PRKG1: variants seen among roughly 807,000 people sequenced by gnomAD.
The protein encoded by PRKG1 is protein kinase cGMP-dependent 1, also known as cGMP-dependent protein kinase 1.
In PRKG1, 35 loss-of-function variants were observed where a neutral mutation model predicts 88.1. That is an observed-to-expected ratio of 0.40 (90% CI 0.30 to 0.53). The LOEUF (loss-of-function observed/expected upper bound fraction) is 0.53, where lower values mean the gene tolerates loss of function less well. PRKG1 is among the 20% of genes least tolerant of loss of function. The pLI is 0.59. For missense variants in PRKG1, 540 were observed against 839.8 expected, an observed-to-expected ratio of 0.64 and a Z score of 4.41; for synonymous variants, 303 against 292.5, an observed-to-expected ratio of 1.04 and a Z score of -0.37.
chr10:52,012,253 T>TTC (rs1844906360), intron 5 of PRKG1, among the ~76,000 whole-genome samples: 1 of 151,558 alleles, frequency 6.6e-6, no homozygotes, highest in South Asian at 2.1e-4. Context: ...GCCTTTTTTT[T>TTC]TTTTTTGAGA....
chr10:51,342,634 T>G (rs1411777969), intron 2 of PRKG1, among the ~76,000 whole-genome samples: 1 of 152,114 alleles, frequency 6.6e-6, no homozygotes. Flanking sequence ...CAGACCTAAT[T>G]TTCATCTGAG....
intron 2 of PRKG1, among the ~76,000 whole-genome samples, chr10:51,247,169 C>A (rs1320324721): frequency 2.0e-5 from 3 of 152,060 alleles, no homozygotes; most frequent in Middle Eastern, 3.4e-3. Flanking sequence ...GATGAAAAAA[C>A]CCCTGCTTCT....
chr10:51,746,338 A>T (rs910805441), intron 3 of PRKG1, among the ~76,000 whole-genome samples: 6 of 151,596 alleles, frequency 4.0e-5, no homozygotes, highest in African/African-American at 1.5e-4. Flanking sequence ...CTGCATACCA[A>T]CCTGAAGTTT....
rs1006933950 is a variant in PRKG1 at position 51,615,197 on chromosome 10, C to T, written c.592+147361C>T. 4.6e-5 allele frequency among the ~76,000 whole-genome samples: 7 copies of T among 152,048 alleles called. No homozygotes were observed. The East Asian group carries it at 9.7e-4, about 21-fold the overall frequency. Reference sequence around the variant, plus strand: ...TATAAGGTTTCTGCTAATAAATCTGCTGTTAGGCTGATGGGTTTTTTAAGG... The same window carrying T: ...TATAAGGTTTCTGCTAATAAATCTGTTGTTAGGCTGATGGGTTTTTTAAGG... On this transcript the variant is annotated intron_variant, in intron 3 of 17. Coordinates refer to ENST00000373980, the MANE Select transcript of PRKG1 (RefSeq NM_006258.4).
intron 3 of PRKG1, among the ~76,000 whole-genome samples, chr10:51,741,382 T>G (rs1274073304): frequency 1.3e-5 from 2 of 152,302 alleles, no homozygotes; most frequent in East Asian, 1.9e-4. Context: ...TATTTAATTT[T>G]GGGGGTCCAT....
intron 3 of PRKG1, among the ~76,000 whole-genome samples, chr10:51,599,825 G>T (rs1838552333): frequency 6.6e-6 from 1 of 152,144 alleles, no homozygotes; most frequent in Non-Finnish European, 1.5e-5. Context: ...CCTTAATGCT[G>T]CTTTTTAAAA....
At chr10:51,104,743 T>C (rs185385813) in intron 1 of PRKG1, among the ~76,000 whole-genome samples, 14 of 149,692 alleles carry the variant, frequency 9.4e-5, no homozygotes, top group Middle Eastern at 6.9e-3. Context: ...TATTTATTTA[T>C]TTTGTGATGG....
intron 5 of PRKG1, among the ~76,000 whole-genome samples, chr10:51,933,772 C>A (rs1335733588): frequency 6.6e-6 from 1 of 151,972 alleles, no homozygotes; most frequent in East Asian, 1.9e-4. Context: ...TAACTTTTAG[C>A]TGCTTAATAA....
chr10:51,080,498 A>G (rs1220472797), intron 1 of PRKG1, among the ~76,000 whole-genome samples: 1 of 152,124 alleles, frequency 6.6e-6, no homozygotes, highest in Non-Finnish European at 1.5e-5. Context: ...ACCATATTCG[A>G]ACACCAGGCT....
At chr10:51,477,379 A>G (rs1840227556) in intron 3 of PRKG1, among the ~76,000 whole-genome samples, 1 of 151,354 alleles carries the variant, frequency 6.6e-6, no homozygotes, top group African/African-American at 2.4e-5. Context: ...CTCGACTCTC[A>G]TGGATGGGTT....
intron 2 of PRKG1, among the ~76,000 whole-genome samples, chr10:51,354,165 A>G (rs117901064): frequency 0.025 from 3,699 of 148,846 alleles, 129 homozygotes; most frequent in Admixed American, 0.1. Context: ...AAGGGTCGTG[A>G]TGGGGGCAGA....
At chr10:51,776,905 G>A (rs1838454078) in intron 3 of PRKG1, among the ~76,000 whole-genome samples, 1 of 152,136 alleles carries the variant, frequency 6.6e-6, no homozygotes, top group South Asian at 2.1e-4. Context: ...CATGGTCTTA[G>A]ATGTTTGGAA....
At chr10:51,519,035 G>A (rs886758691) in intron 3 of PRKG1, among the ~76,000 whole-genome samples, 7 of 152,120 alleles carry the variant, frequency 4.6e-5, no homozygotes, top group Non-Finnish European at 8.8e-5. Flanking sequence ...AGAAAGCATC[G>A]AAAATATTTA....
chr10:51,465,050 T>C (rs910758883), intron 2 of PRKG1, among the ~76,000 whole-genome samples: 6 of 152,160 alleles, frequency 3.9e-5, no homozygotes, highest in Non-Finnish European at 5.9e-5. Flanking sequence ...GTCAGTAAAT[T>C]GAAACCCATC....
intron 2 of PRKG1, among the ~76,000 whole-genome samples, chr10:51,246,602 CAGAAAAAAA>C: frequency 9.9e-6 from 1 of 100,838 alleles, no homozygotes; most frequent in South Asian, 2.9e-4. Flanking sequence ...TAAACAGCAA[CAGAAAAAAA>C]AGAAAAAAAA....
chr10:52,201,916 C>G (rs774123350), intron 9 of PRKG1, among the ~76,000 whole-genome samples: 4 of 152,048 alleles, frequency 2.6e-5, no homozygotes, highest in Non-Finnish European at 4.4e-5. Context: ...TGTCCTGAAA[C>G]TTTGCTGAAG....
In PRKG1 at chr10:51,919,315, C is replaced by G. The variant is rs553794144; in HGVS notation, c.762+11745C>G. 1.9e-4 allele frequency among the ~76,000 whole-genome samples: 29 copies of G among 152,218 alleles called. No individual in the cohort carries two copies. The South Asian group carries it at 6.0e-3, about 32-fold the overall frequency. On this transcript the variant is annotated intron_variant, in intron 5 of 17. Coordinates refer to ENST00000373980, the MANE Select transcript of PRKG1 (RefSeq NM_006258.4). Reference sequence around the variant, plus strand: ...AGGAACAAACCGTGACCAACCAAGGCTTTAGGGAGATGGCAGTTGTTGTGA... The same window carrying G: ...AGGAACAAACCGTGACCAACCAAGGGTTTAGGGAGATGGCAGTTGTTGTGA...
chr10:51,538,251 T>A (rs1266676956), intron 3 of PRKG1, among the ~76,000 whole-genome samples: 1 of 151,968 alleles, frequency 6.6e-6, no homozygotes, highest in Middle Eastern at 3.2e-3. Flanking sequence ...TTATTTTTGA[T>A]GTTCAGTACA....
chr10:51,140,605 A>G (rs1845796807), intron 1 of PRKG1, among the ~76,000 whole-genome samples: 1 of 152,214 alleles, frequency 6.6e-6, no homozygotes, highest in Admixed American at 6.5e-5. Flanking sequence ...AAAAATGCCT[A>G]AAATGAAAAT....
Sources: allele counts gnomAD v4.1 joint callset (sites outside exome capture counted in the v4.1 genomes callset), GRCh38; gene constraint gnomAD v4.1.1; transcripts MANE v1.5; gene names NCBI Gene and HGNC (gene_info 2026-07-23, HGNC 2026-07-21).